SH3GL1: variants seen among roughly 807,000 people sequenced by gnomAD.
SH3GL1 encodes SH3 domain containing GRB2 like 1, endophilin A2.
Under a neutral mutation model 48.8 loss-of-function variants are expected in SH3GL1, and 21 were observed. The observed-to-expected ratio is 0.43, with a 90% confidence interval of 0.30 to 0.62. The LOEUF (loss-of-function observed/expected upper bound fraction) is 0.62, where lower values mean the gene tolerates loss of function less well. Among genes scored for constraint, SH3GL1 ranks in the 20% least tolerant of loss-of-function variants. The pLI, the probability that SH3GL1 is intolerant of heterozygous loss-of-function variation, is 0.11. For missense variants in SH3GL1, 454 were observed against 503.0 expected, an observed-to-expected ratio of 0.90 and a Z score of 0.93; for synonymous variants, 282 against 217.5, an observed-to-expected ratio of 1.30 and a Z score of -2.61.
At chr19:4,388,146 A>G (rs922803390) in intron 1 of SH3GL1, among the ~76,000 whole-genome samples, 2 of 152,222 alleles carry the variant, frequency 1.3e-5, no homozygotes, top group African/African-American at 4.8e-5. Flanking sequence ...GGTGTGAGCC[A>G]TCGTGTCCGG....
intron 3 of SH3GL1, 124 bp from the exon 4 acceptor site, chr19:4,365,749 C>CT: frequency 1.5e-6 from 2 of 1,357,656 alleles, no homozygotes; most frequent in Non-Finnish European, 2.1e-6. Flanking sequence ...CTAGGCCACA[C>CT]AAAGCACAGT....
At chr19:4,375,111 G>A (rs996652629) in intron 1 of SH3GL1, among the ~76,000 whole-genome samples, 3 of 152,194 alleles carry the variant, frequency 2.0e-5, no homozygotes, top group Admixed American at 1.3e-4. Flanking sequence ...TCCATGCGTG[G>A]GGGAGAAGGG....
intron 1 of SH3GL1, among the ~76,000 whole-genome samples, chr19:4,373,967 C>T (rs553832749): frequency 6.6e-5 from 10 of 152,402 alleles, no homozygotes; most frequent in Admixed American, 5.9e-4. Flanking sequence ...TGCCGTCTCT[C>T]AGGCTGTCGG....
At position 4,363,708 on chromosome 19, in the gene SH3GL1, C is replaced by A. The variant is rs572352608; in HGVS notation, c.624+12G>T. On this transcript the variant is annotated intron_variant, in intron 6 of 9. Transcript: ENST00000269886. ...TAGGTCTTCTCAGGATGTGACACCC[C>A]GAGCTACTCACGTCAGTCTCCAGGA... 1 of 1,612,674 alleles carries A rather than the reference C, an allele frequency of 6.2e-7. No individual in the cohort carries two copies. The highest frequency in any genetic ancestry group is 8.5e-7 in the Non-Finnish European group (1 of 1,179,952).
intron 1 of SH3GL1, among the ~76,000 whole-genome samples, chr19:4,377,043 G>T (rs1282707429): frequency 6.6e-6 from 1 of 152,184 alleles, no homozygotes; most frequent in East Asian, 1.9e-4. Flanking sequence ...GGTTCACCTG[G>T]GCTGACACTG....
chr19:4,397,654 G>A (rs1463752416), intron 1 of SH3GL1, among the ~76,000 whole-genome samples: 1 of 152,168 alleles, frequency 6.6e-6, no homozygotes, highest in African/African-American at 2.4e-5. Flanking sequence ...AAGGTCTGAC[G>A]CCTGCTGGGC....
rs951099751 is a variant in SH3GL1 at position 4,376,056 on chromosome 19, G to C, written c.46-9062C>G. 6.6e-6 allele frequency among the ~76,000 whole-genome samples: 1 copy of C among 152,204 alleles called. No homozygotes were observed. Among genetic ancestry groups the C allele is most frequent in the Non-Finnish European group, 1.5e-5 (1 of 68,028 alleles). ...GAAATGGTCTTGGAGAGAGAACTGC[G>C]GGGCATGGTGACAGCGGTGAGAGGC... On this transcript the variant is annotated intron_variant, in intron 1 of 9. Transcript: ENST00000269886. The surrounding 1 kb of genome is among the most constrained non-coding windows in gnomAD (Gnocchi z 4.3).
chr19:4,362,794 T>TC, intron 7 of SH3GL1, 58 bp from the exon 8 acceptor site: 3 of 1,609,846 alleles, frequency 1.9e-6, no homozygotes, highest in Non-Finnish European at 2.5e-6. Flanking sequence ...GCAGCCCCAC[T>TC]CTTGTATTTA....
intron 1 of SH3GL1, among the ~76,000 whole-genome samples, chr19:4,382,367 C>A (rs1973153052): frequency 6.7e-6 from 1 of 149,958 alleles, no homozygotes; most frequent in Non-Finnish European, 1.5e-5. Flanking sequence ...ACGCCATTCT[C>A]CTGCCTCAGC....
chr19:4,379,494 G>A (rs576751888), intron 1 of SH3GL1, among the ~76,000 whole-genome samples: 2 of 152,038 alleles, frequency 1.3e-5, no homozygotes, highest in Middle Eastern at 6.8e-3. Flanking sequence ...AAGAAGGTTG[G>A]TAGAAAATTC....
chr19:4,365,683 C>A, intron 3 of SH3GL1, 58 bp from the exon 4 acceptor site: 1 of 1,605,732 alleles, frequency 6.2e-7, no homozygotes. Context: ...TCTGCCCTGG[C>A]AGACTGCAGC....
chr19:4,396,584 C>T (rs1973428938), intron 1 of SH3GL1, among the ~76,000 whole-genome samples: 1 of 152,084 alleles, frequency 6.6e-6, no homozygotes, highest in Non-Finnish European at 1.5e-5. Context: ...CCACACCTGG[C>T]CAAACTAGGA....
Position 4,367,411 on chromosome 19 carries a change from G to C in SH3GL1, c.46-417C>G, listed in dbSNP as rs1165054067. 1.3e-5 allele frequency among the ~76,000 whole-genome samples: 2 copies of C among 151,464 alleles called. No individual in the cohort carries two copies. Among genetic ancestry groups the C allele is most frequent in the East Asian group, 3.9e-4 (2 of 5,192 alleles). On this transcript the variant is annotated intron_variant, in intron 1 of 9. Transcript: ENST00000269886. The surrounding 1 kb of genome is among the most constrained non-coding windows in gnomAD (Gnocchi z 4.2). ...GGGATCTGCCCCCATCCTTGAGTATGTGGGGTCTACTTAAAAAAAAAAATC... is the reference window on the plus strand; with the variant it reads ...GGGATCTGCCCCCATCCTTGAGTATCTGGGGTCTACTTAAAAAAAAAAATC...
At chr19:4,365,406 G>C in intron 4 of SH3GL1, 76 bp downstream of exon 4, 1 of 1,586,542 alleles carries the variant, frequency 6.3e-7, no homozygotes, top group East Asian at 2.2e-5. Flanking sequence ...CACATGCAGG[G>C]CCTGGACCTG....
chr19:4,384,572 C>G (rs1973200318), intron 1 of SH3GL1, among the ~76,000 whole-genome samples: 1 of 152,168 alleles, frequency 6.6e-6, no homozygotes, highest in African/African-American at 2.4e-5. Context: ...TCAAGCACTA[C>G]AGCAGATGAT....
rs558278590 is a variant in SH3GL1, at chr19:4,392,939, G to C, written c.45+7385C>G. ...TTGGGAGTGGGGACAGAACAAGACT[G>C]CATCTCAAATACGTAAAATTTTAAA... On this transcript the variant is annotated intron_variant, in intron 1 of 9. Coordinates refer to ENST00000269886, the MANE Select transcript of SH3GL1 (RefSeq NM_003025.4). 1.4e-3 allele frequency among the ~76,000 whole-genome samples: 210 copies of C among 152,204 alleles called. 2 individuals carry two copies. The highest frequency in any genetic ancestry group is 4.9e-3 in the African/African-American group (202 of 41,524).
At position 4,361,446 on chromosome 19, in the gene SH3GL1, G is replaced by A. The variant is rs182914708; in HGVS notation, c.*154C>T. ...GATAAGCCCCCCCACCCAAGTGTGGGGTCCTGCTCAGGGAGTACCTCAAGG... is the reference window on the plus strand; with the variant it reads ...GATAAGCCCCCCCACCCAAGTGTGGAGTCCTGCTCAGGGAGTACCTCAAGG... On this transcript the variant is annotated 3_prime_UTR_variant, in exon 10 of 10. Coordinates refer to ENST00000269886, the MANE Select transcript of SH3GL1 (RefSeq NM_003025.4). The A allele has an allele frequency of 1.6e-4, 101 of 613,546 alleles. No individual in the cohort carries two copies. The highest frequency in any genetic ancestry group is 2.8e-4 in the Non-Finnish European group (97 of 349,584). 38.0% of individuals were successfully genotyped at this position (613,546 alleles called of 1,614,324 possible). A position where few individuals can be genotyped will look rare whatever the true frequency, so the allele number is the denominator to read the frequency against.
chr19:4,373,815 C>T (rs1358233052), intron 1 of SH3GL1, among the ~76,000 whole-genome samples: 1 of 152,252 alleles, frequency 6.6e-6, no homozygotes, highest in Non-Finnish European at 1.5e-5. Flanking sequence ...ACAGGCCTGC[C>T]ACAGACTTCC....
At chr19:4,364,902 A>G (rs74178441) in intron 4 of SH3GL1, among the ~76,000 whole-genome samples, 38,133 of 76,012 alleles carry the variant, frequency 0.5, 6,950 homozygotes, top group East Asian at 0.68. Context: ...GTGTGTGTAT[A>G]TATATATATA....
Sources: gnomAD v4.1 joint callset for allele counts (sites outside exome capture counted in the v4.1 genomes callset) on GRCh38, gnomAD v4.1.1 for gene constraint, Gnocchi (gnomAD v3.1) non-coding constraint, MANE v1.5 for transcripts, NCBI Gene and HGNC (gene_info 2026-07-23, HGNC 2026-07-21) for gene names.